Variants in EYS observed in about 807,000 individuals in gnomAD.
EYS encodes EGF-like photoreceptor maintenance factor.
EYS carries 250 observed loss-of-function variants against 282.1 expected under a neutral mutation model. The ratio of observed to expected loss-of-function variants is 0.89; its 90% CI spans 0.80 to 0.98. The LOEUF is 0.98. Among genes scored for constraint, EYS ranks in the 50% least tolerant of loss-of-function variants. The pLI, the probability that EYS is intolerant of heterozygous loss-of-function variation, is 0.00. For synonymous variants in EYS, 1,355 were observed against 1,282.9 expected (o/e 1.06, Z -1.20); for missense variants, 4,016 against 3,709.0 (o/e 1.08, Z -2.15).
At chr6:65,026,727 C>A (rs1772420526) in intron 13 of EYS, among the ~76,000 whole-genome samples, 1 of 152,058 alleles carries the variant, frequency 6.6e-6, no homozygotes, top group Non-Finnish European at 1.5e-5. Context: ...ACTGTCCTGG[C>A]TAACACAGTG....
intron 5 of EYS, among the ~76,000 whole-genome samples, chr6:65,421,966 T>C (rs761785023): frequency 6.6e-6 from 1 of 151,772 alleles, no homozygotes; most frequent in Non-Finnish European, 1.5e-5. Flanking sequence ...AATAAAAAAG[T>C]TTGAAATATT....
At chr6:64,789,603 T>A (rs73448451) in intron 22 of EYS, among the ~76,000 whole-genome samples, 2 of 152,278 alleles carry the variant, frequency 1.3e-5, no homozygotes, top group Admixed American at 6.5e-5. Flanking sequence ...TTAGACAATA[T>A]GTTCACATAA....
intron 26 of EYS, among the ~76,000 whole-genome samples, chr6:64,564,893 A>G (rs1765516764): frequency 3.3e-5 from 5 of 152,088 alleles, no homozygotes; most frequent in African/African-American, 1.2e-4. Context: ...GTGTGGTGAT[A>G]CCTTACTTTG....
At chr6:64,456,496 T>A (rs987993820) in intron 26 of EYS, among the ~76,000 whole-genome samples, 3 of 152,002 alleles carry the variant, frequency 2.0e-5, no homozygotes, top group Admixed American at 6.6e-5. Context: ...TCTTTTAACC[T>A]CCTTGAATCT....
At chr6:64,501,704 ATC>A (rs1347300889) in intron 26 of EYS, among the ~76,000 whole-genome samples, 1 of 152,204 alleles carries the variant, frequency 6.6e-6, no homozygotes, top group Non-Finnish European at 1.5e-5. Flanking sequence ...CCAGATAAGT[ATC>A]ATTAGTCACT....
chr6:64,857,461 C>T (rs1163930141), intron 19 of EYS, among the ~76,000 whole-genome samples: 1 of 152,066 alleles, frequency 6.6e-6, no homozygotes, highest in African/African-American at 2.4e-5. Flanking sequence ...AATAGTATTC[C>T]ATTGTGTATG....
At chr6:64,157,062 A>G (rs1298070026) in intron 31 of EYS, among the ~76,000 whole-genome samples, 1 of 96,348 alleles carries the variant, frequency 1.0e-5, no homozygotes, top group Non-Finnish European at 2.0e-5. Flanking sequence ...ACCCCACAGC[A>G]GTCCCCAGAG....
intron 11 of EYS, among the ~76,000 whole-genome samples, chr6:65,296,451 T>C (rs1300689983): frequency 1.3e-5 from 2 of 151,784 alleles, no homozygotes; most frequent in African/African-American, 4.8e-5. Flanking sequence ...CATATATTAT[T>C]AGGTTGGTGC....
chr6:65,137,029 G>A lies in EYS; in HGVS notation c.2024-79302C>T, dbSNP rs190792861. 2.0e-4 allele frequency among the ~76,000 whole-genome samples: 31 copies of A among 152,124 alleles called. 1 individual carries two copies. The East Asian group carries it at 5.2e-3, about 26-fold the overall frequency. ...AAAACTTTTATATTGAGTACTAAATGTATGCAACACATTGTGCAGATATTC... is the reference window on the plus strand; with the variant it reads ...AAAACTTTTATATTGAGTACTAAATATATGCAACACATTGTGCAGATATTC... On this transcript the variant is annotated intron_variant, in intron 12 of 42. Transcript: ENST00000503581.
At chr6:63,798,331 G>A (rs753771712) in intron 37 of EYS, among the ~76,000 whole-genome samples, 6 of 152,242 alleles carry the variant, frequency 3.9e-5, no homozygotes, top group Middle Eastern at 3.4e-3. Flanking sequence ...ATTTAAAACA[G>A]ACAATTTTGA....
chr6:64,378,644 A>G (rs932433139), intron 29 of EYS, among the ~76,000 whole-genome samples: 2 of 152,190 alleles, frequency 1.3e-5, no homozygotes, highest in Non-Finnish European at 2.9e-5. Flanking sequence ...CTTAAACCTT[A>G]AGAAGGTAGA....
At chr6:64,269,907 T>TA (rs34923158) in intron 30 of EYS, among the ~76,000 whole-genome samples, 18 of 151,890 alleles carry the variant, frequency 1.2e-4, no homozygotes, top group South Asian at 6.2e-4. Context: ...GACTTTGTAG[T>TA]AAAAAAAAGG....
At chr6:65,165,873 G>T (rs1287448161) in intron 12 of EYS, among the ~76,000 whole-genome samples, 1 of 150,778 alleles carries the variant, frequency 6.6e-6, no homozygotes, top group Admixed American at 6.6e-5. Flanking sequence ...ACCAAGAGTG[G>T]GTTTAGCAGG....
At chr6:64,845,021 G>T (rs1424847122) in intron 19 of EYS, among the ~76,000 whole-genome samples, 1 of 152,136 alleles carries the variant, frequency 6.6e-6, no homozygotes, top group Non-Finnish European at 1.5e-5. Flanking sequence ...TAGTGTGGTG[G>T]CTCACACCTA....
In EYS at chr6:65,405,188, T is replaced by C. The variant is rs1193254137; in HGVS notation, c.1042A>G (p.Ile348Val). 1.2e-6 allele frequency: 2 copies of C among 1,611,940 alleles called. No individual in the cohort carries two copies. Among genetic ancestry groups the C allele is most frequent in the Non-Finnish European group, 1.7e-6 (2 of 1,178,564 alleles). Reference protein sequence around the residue: ...LVPCQNGTDCIKISNDVMCIC... With the variant: ...LVPCQNGTDCVKISNDVMCIC... ...TTGAGACTTACATTTGATATTTTGA[T>C]GCAGTCAGTACCATTCTGACATGGT... Residue 348 changes from isoleucine (I) to valine (V), a missense_variant, in exon 6 of 43, where the codon ATC (isoleucine) becomes GTC (valine). Ile to Val is a conservative substitution (Grantham distance 29). Transcript: ENST00000503581.
intron 26 of EYS, among the ~76,000 whole-genome samples, chr6:64,442,291 G>GA (rs1386318024): frequency 3.3e-5 from 5 of 152,276 alleles, no homozygotes; most frequent in East Asian, 3.9e-4. Flanking sequence ...ATATCTGGCA[G>GA]AAAAAATTTC....
intron 35 of EYS, among the ~76,000 whole-genome samples, chr6:63,912,526 C>T (rs993366467): frequency 9.2e-5 from 14 of 152,190 alleles, no homozygotes; most frequent in African/African-American, 3.4e-4. Flanking sequence ...ACACTTAGAG[C>T]ACAACTCAAT....
chr6:64,882,163 T>C (rs1438754108), intron 19 of EYS, among the ~76,000 whole-genome samples: 2 of 151,648 alleles, frequency 1.3e-5, no homozygotes, highest in Non-Finnish European at 3.0e-5. Context: ...AGTACCCAAA[T>C]ACCAGGGACA....
intron 12 of EYS, among the ~76,000 whole-genome samples, chr6:65,173,016 A>G (rs1424294510): frequency 6.6e-6 from 1 of 151,204 alleles, no homozygotes. Context: ...TATATAAGAA[A>G]CATGAATTTT....
Sources: allele counts gnomAD v4.1 joint callset (sites outside exome capture counted in the v4.1 genomes callset), GRCh38; gene constraint gnomAD v4.1.1; transcripts MANE v1.5; gene names NCBI Gene and HGNC (gene_info 2026-07-23, HGNC 2026-07-21).